MINAR1: variants seen among roughly 807,000 people sequenced by gnomAD.
MINAR1 encodes the protein membrane integral NOTCH2 associated receptor 1.
A neutral mutation model predicts 65.1 loss-of-function variants in MINAR1; 40 were observed. The observed-to-expected ratio is 0.61, with a 90% CI of 0.48 to 0.80. The LOEUF (loss-of-function observed/expected upper bound fraction) is 0.80, where lower values mean the gene tolerates loss of function less well. Ranked by LOEUF, MINAR1 falls within the 30% of genes least tolerant of loss-of-function variation. The probability of loss-of-function intolerance (pLI) is 0.00; values close to 1 mark genes in which losing one functional copy is unlikely to be tolerated. For missense variants in MINAR1, 1,128 were observed against 1,148.0 expected (o/e 0.98, Z 0.25); for synonymous variants, 482 against 449.1 (o/e 1.07, Z -0.93).
chr15:79,465,054 A>C (rs1895788543), intron 3 of MINAR1, among the ~76,000 whole-genome samples: 1 of 152,260 alleles, frequency 6.6e-6, no homozygotes, highest in South Asian at 2.1e-4. Context: ...TTACTGCACC[A>C]GTGTTTATAA....
At chr15:79,442,169 T>C (rs1055307095) in intron 1 of MINAR1, among the ~76,000 whole-genome samples, 14 of 152,008 alleles carry the variant, frequency 9.2e-5, no homozygotes, top group African/African-American at 3.4e-4. Context: ...TGGAAAACCC[T>C]TTCACTACCT....
rs1895546442 is a variant in MINAR1 at position 79,459,075 on chromosome 15, G to A, written c.2298+630G>A. On this transcript the variant is annotated intron_variant, in intron 2 of 3. Coordinates refer to ENST00000305428, the MANE Select transcript of MINAR1 (RefSeq NM_015206.3). ...CAAGCCTGTAGTCCCAGCTACTTGG[G>A]AGGCTGAGGCAGGAGAATTGCTTGA... Among the ~76,000 whole-genome samples the A allele has an allele frequency of 2.6e-5, 4 of 152,130 alleles. No homozygotes were observed. In the South Asian group the frequency reaches 8.3e-4, roughly 32 times the overall value.
intron 3 of MINAR1, among the ~76,000 whole-genome samples, 178 bp downstream of exon 3, chr15:79,463,499 G>A (rs1895728292): frequency 6.6e-6 from 1 of 152,204 alleles, no homozygotes; most frequent in African/African-American, 2.4e-5. Flanking sequence ...CTTTTAACAA[G>A]GGGATCGTTG....
At chr15:79,467,611 G>A (rs1368516688) in intron 3 of MINAR1, among the ~76,000 whole-genome samples, 1 of 152,174 alleles carries the variant, frequency 6.6e-6, no homozygotes, top group African/African-American at 2.4e-5. Context: ...CCATGGGGTT[G>A]GTAGACCTTG....
the MINAR1 span, chr15:79,411,868 A>T: frequency 4.8e-6 from 1 of 208,706 alleles, no homozygotes; most frequent in African/African-American, 2.2e-5. Flanking sequence ...ACTTGCTCCC[A>T]TGGCAGACTT....
rs200961084 is a variant in MINAR1 at position 79,452,630 on chromosome 15, G to GTGTT, written c.-50-3465_-50-3464insTTGT. ...TTAGTCTGGGTGTCTGGATGAGTCT[G>GTGTT]TGTGTGTGTGGGTGTGTGTCTGGGT... On this transcript the variant is annotated intron_variant, in intron 1 of 3. Coordinates refer to ENST00000305428, the MANE Select transcript of MINAR1 (RefSeq NM_015206.3). Among the ~76,000 whole-genome samples, 1,752 of 119,850 alleles carry GTGTT rather than the reference G, an allele frequency of 0.015. 194 individuals are homozygous for GTGTT. The East Asian group carries it at 0.31, about 21-fold the overall frequency. The allele number at this position is 119,850 out of a possible 152,430, so 78.6% of individuals were successfully genotyped here.
chr15:79,456,198 A>G lies in MINAR1; in HGVS notation c.51A>G (p.Glu17=). The G allele has an allele frequency of 6.2e-7, 1 of 1,613,816 alleles. No homozygotes were observed. Among genetic ancestry groups the G allele is most frequent in the Non-Finnish European group, 8.5e-7 (1 of 1,179,914 alleles). The change falls in exon 2 of 4, where the codon GAA becomes GAG. Residue 17 remains glutamate (E), a synonymous_variant. Coordinates refer to ENST00000305428, the MANE Select transcript of MINAR1 (RefSeq NM_015206.3). ...TCTTCTTGGTGAAGATCTTGGAGGA[A>G]CTGGACAGCAAGCAAAATACCGTTT... ...TSLFLVKILE[E]LDSKQNTVSY... is the part of the protein sequence containing the mutation.
At position 79,469,369 on chromosome 15, in the gene MINAR1, G is replaced by A. The variant is rs146522487; in HGVS notation, c.*985G>A. On this transcript the variant is annotated 3_prime_UTR_variant, in exon 4 of 4. Transcript: ENST00000305428. ...TGGTTTTCACGCACCACTAATATCT[G>A]CCATTTTCAATGGCTTTAAAAAGAT... 187 of 152,556 alleles carry A rather than the reference G, an allele frequency of 1.2e-3. No individual in the cohort carries two copies. The highest frequency in any genetic ancestry group is 4.3e-3 in the African/African-American group (179 of 41,518). 9.5% of individuals were successfully genotyped at this position (152,556 alleles called of 1,614,324 possible).
rs1896076688 is a variant in MINAR1, at chr15:79,471,450, G to A, written c.*3066G>A. On this transcript the variant is annotated 3_prime_UTR_variant, in exon 4 of 4. Transcript: ENST00000305428. ...AATATTTCCCCGCTCAAATTTTGCC[G>A]ACATTTTATACCAGTATCCCCTTCA... 6.6e-6 allele frequency: 1 copy of A among 152,440 alleles called. No individual in the cohort carries two copies. Among genetic ancestry groups the A allele is most frequent in the African/African-American group, 2.4e-5 (1 of 41,376 alleles). The allele number at this position is 152,440 out of a possible 1,614,324, so 9.4% of individuals were successfully genotyped here. A position where few individuals can be genotyped will look rare whatever the true frequency, so the allele number is the denominator to read the frequency against.
chr15:79,456,846 C>T lies in MINAR1; in HGVS notation c.699C>T (p.Ile233=). The T allele has an allele frequency of 1.9e-6, 3 of 1,614,162 alleles. No homozygotes were observed. The highest frequency in any genetic ancestry group is 1.1e-5 in the South Asian group (1 of 91,074). The part of the protein sequence containing the change: ...ESISDQDSLP[I]NQSIKETFIS... ...TTTCAGACCAGGACTCCCTGCCCAT[C>T]AATCAGAGCATCAAGGAGACCTTCA... Residue 233 remains isoleucine (I), a synonymous_variant, in exon 2 of 4, where the codon ATC becomes ATT. Transcript: ENST00000305428.
the MINAR1 span, chr15:79,419,561 G>A: frequency 6.6e-6 from 1 of 152,112 alleles, no homozygotes; most frequent in Non-Finnish European, 1.5e-5. Flanking sequence ...TATGAAGAGG[G>A]GACTTTGCTG....
intron 2 of MINAR1, among the ~76,000 whole-genome samples, chr15:79,459,440 C>T (rs1193772736): frequency 6.6e-6 from 1 of 152,168 alleles, no homozygotes; most frequent in Non-Finnish European, 1.5e-5. Context: ...GGACCTGTGG[C>T]CCATCCTGTT....
chr15:79,457,882 G>A lies in MINAR1; in HGVS notation c.1735G>A (p.Gly579Ser). Residue 579 changes from glycine to serine, a missense_variant, in exon 2 of 4, where the codon GGC becomes AGC. By Grantham distance (56) the Gly-to-Ser change is moderately conservative (BLOSUM62 0). Coordinates refer to ENST00000305428, the MANE Select transcript of MINAR1 (RefSeq NM_015206.3). ...GGTCCCCAACAGCAAGGGAGACAAGGGCAACCGGCCTGAAAACACCCACCA... is the reference window on the plus strand; with the variant it reads ...GGTCCCCAACAGCAAGGGAGACAAGAGCAACCGGCCTGAAAACACCCACCA... ...NGVPNSKGDK[G>S]NRPENTHHSE... 1 of 1,614,042 alleles carries A rather than the reference G, an allele frequency of 6.2e-7. No individual in the cohort carries two copies.
chr15:79,420,517 C>CT, the MINAR1 span: 1 of 152,074 alleles, frequency 6.6e-6, no homozygotes, highest in African/African-American at 2.4e-5. Flanking sequence ...TACCAGGCTT[C>CT]TTTTTTATCT....
At chr15:79,420,133 A>T in the MINAR1 span, 3 of 152,236 alleles carry the variant, frequency 2.0e-5, no homozygotes, top group African/African-American at 7.2e-5. Flanking sequence ...TTGTCTCAGT[A>T]ACACTAGGTG....
intron 3 of MINAR1, among the ~76,000 whole-genome samples, chr15:79,464,746 C>T (rs888822875): frequency 2.0e-5 from 3 of 152,098 alleles, no homozygotes; most frequent in Admixed American, 6.5e-5. Context: ...CAACCCTAAG[C>T]CCTTCCTCAC....
chr15:79,421,454 T>A, the MINAR1 span: 1 of 152,282 alleles, frequency 6.6e-6, no homozygotes, highest in East Asian at 1.9e-4. Flanking sequence ...TCTTTGCCAC[T>A]GCACCTACCT....
rs1485783142 is a variant in MINAR1 at position 79,440,915 on chromosome 15, G to A, written c.-51+8375G>A. ...ACTAGATTATAAGCTCATGAGGGCAGGGTTTTTGTTTTGTTCATTGTCTGC... is the reference window on the plus strand; with the variant it reads ...ACTAGATTATAAGCTCATGAGGGCAAGGTTTTTGTTTTGTTCATTGTCTGC... On this transcript the variant is annotated intron_variant, in intron 1 of 3. Transcript: ENST00000305428. Among the ~76,000 whole-genome samples the A allele has an allele frequency of 4.6e-5, 7 of 152,238 alleles. No homozygotes were observed. In the East Asian group the frequency reaches 1.2e-3, roughly 25 times the overall value.
In MINAR1 at chr15:79,458,299, G is replaced by A. The variant is rs753899367; in HGVS notation, c.2152G>A (p.Ala718Thr). ...SSRSLTEENS[A>T]TESKIASISN... is the part of the protein sequence containing the mutation. ...TAGGTCCCTAACAGAGGAGAACAGT[G>A]CCACAGAGTCCAAAATTGCCAGCAT... is the stretch of plus-strand genomic sequence containing the variant. Residue 718 changes from alanine to threonine, a missense_variant, in exon 2 of 4, where the codon GCC becomes ACC. Ala to Thr is a moderately conservative substitution (Grantham distance 58, BLOSUM62 0). Transcript: ENST00000305428. 5.6e-6 allele frequency: 9 copies of A among 1,614,038 alleles called. No individual in the cohort carries two copies. In the African/African-American group the frequency reaches 1.2e-4, roughly 22 times the overall value.
Sources: gnomAD v4.1 joint callset for allele counts (sites outside exome capture counted in the v4.1 genomes callset) on GRCh38, gnomAD v4.1.1 for gene constraint, MANE v1.5 for transcripts, NCBI Gene and HGNC (gene_info 2026-07-23, HGNC 2026-07-21) for gene names.